RBFOX1: variants seen among roughly 807,000 people sequenced by gnomAD.
RBFOX1 encodes the protein RNA binding fox-1 homolog 1, also known as RNA binding protein fox-1 homolog 1.
Under a neutral mutation model 57.7 loss-of-function variants are expected in RBFOX1, and 8 were observed. The ratio of observed to expected loss-of-function variants is 0.14; its 90% confidence interval spans 0.08 to 0.25. RBFOX1 has a LOEUF of 0.25. Among genes scored for constraint, RBFOX1 ranks in the 10% least tolerant of loss-of-function variants. The pLI is 1.00. For missense variants in RBFOX1, 611 were observed against 548.5 expected (o/e 1.11, Z -1.14); for synonymous variants, 326 against 222.4 (o/e 1.47, Z -4.15).
chr16:6,931,768 C>T (rs1000824341), intron 3 of RBFOX1, among the ~76,000 whole-genome samples: 1 of 152,162 alleles, frequency 6.6e-6, no homozygotes, highest in African/African-American at 2.4e-5. Flanking sequence ...TTCCTGTGGT[C>T]TGCCACAAAC....
intron 3 of RBFOX1, among the ~76,000 whole-genome samples, chr16:6,844,535 A>G (rs537795427): frequency 1.3e-5 from 2 of 152,158 alleles, no homozygotes; most frequent in African/African-American, 4.8e-5. Flanking sequence ...ATGGCTGCAT[A>G]GTATTCCATG....
chr16:5,939,131 T>A (rs1453928216), intron 4 of RBFOX1, among the ~76,000 whole-genome samples: 1 of 152,168 alleles, frequency 6.6e-6, no homozygotes, highest in African/African-American at 2.4e-5. Flanking sequence ...TTAGGAGATA[T>A]ACCTCATGTA....
intron 2 of RBFOX1, among the ~76,000 whole-genome samples, chr16:5,529,367 C>A (rs1359495327): frequency 6.6e-6 from 1 of 150,436 alleles, no homozygotes; most frequent in African/African-American, 2.5e-5. Flanking sequence ...GGAGGTGGAC[C>A]CCAATCCAGT....
At chr16:5,483,635 A>T (rs974910471) in intron 2 of RBFOX1, among the ~76,000 whole-genome samples, 1 of 152,202 alleles carries the variant, frequency 6.6e-6, no homozygotes, top group Non-Finnish European at 1.5e-5. Flanking sequence ...GTCTTTTCTA[A>T]TGCTGTAGAC....
intron 1 of RBFOX1, among the ~76,000 whole-genome samples, chr16:5,427,924 T>A (rs1029099913): frequency 2.0e-5 from 3 of 152,212 alleles, no homozygotes; most frequent in Non-Finnish European, 4.4e-5. Flanking sequence ...ATGTACACAA[T>A]TAACCATCAC....
chr16:6,706,711 CTTT>C (rs33986994), intron 3 of RBFOX1, among the ~76,000 whole-genome samples: 55 of 142,230 alleles, frequency 3.9e-4, no homozygotes, highest in African/African-American at 8.8e-4. Context: ...CAGCTGCAGT[CTTT>C]TTTTTTTTTT....
chr16:7,418,680 T>C (rs949699661), intron 4 of RBFOX1, among the ~76,000 whole-genome samples: 1 of 152,168 alleles, frequency 6.6e-6, no homozygotes, highest in Non-Finnish European at 1.5e-5. Context: ...TCCCTTACTT[T>C]TGCAAACCTG....
At chr16:5,977,366 C>A (rs1279336086) in intron 4 of RBFOX1, among the ~76,000 whole-genome samples, 1 of 152,174 alleles carries the variant, frequency 6.6e-6, no homozygotes, top group African/African-American at 2.4e-5. Flanking sequence ...AGAGACCGCT[C>A]CCTGCCCTCC....
At chr16:7,371,903 C>G (rs1308007543) in intron 4 of RBFOX1, among the ~76,000 whole-genome samples, 1 of 152,070 alleles carries the variant, frequency 6.6e-6, no homozygotes, top group East Asian at 1.9e-4. Context: ...GCCATGGAGC[C>G]TCCTTCAGTT....
rs967256186 is a variant in RBFOX1 at position 6,908,285 on chromosome 16, C to T, written c.-15-143772C>T. ...GGGTGTCCTCTCCTGCGGCTCTGGG[C>T]AGGCCTGCACCCCCAGCCTCTGACC... On this transcript the variant is annotated intron_variant, in intron 3 of 15. Coordinates refer to ENST00000550418, the MANE Select transcript of RBFOX1 (RefSeq NM_018723.4). Among the ~76,000 whole-genome samples the T allele has an allele frequency of 5.3e-5, 8 of 151,732 alleles. 1 individual carries two copies. The highest frequency in any genetic ancestry group is 1.4e-4 in the African/African-American group (6 of 41,390).
At chr16:7,349,940 A>G (rs914614754) in intron 4 of RBFOX1, among the ~76,000 whole-genome samples, 1 of 152,194 alleles carries the variant, frequency 6.6e-6, no homozygotes. Flanking sequence ...TGAGGTCAGG[A>G]GTTCGAGACC....
At chr16:7,424,147 G>A (rs2098580473) in intron 4 of RBFOX1, among the ~76,000 whole-genome samples, 1 of 152,064 alleles carries the variant, frequency 6.6e-6, no homozygotes, top group South Asian at 2.1e-4. Context: ...AAAGAGCCAT[G>A]CAATGATAAA....
At chr16:6,184,654 G>A (rs2097093352) in intron 1 of RBFOX1, among the ~76,000 whole-genome samples, 1 of 152,118 alleles carries the variant, frequency 6.6e-6, no homozygotes, top group Non-Finnish European at 1.5e-5. Context: ...CCGCCTCCCG[G>A]GTTCAAGCAA....
chr16:5,261,716 A>T (rs2062738246), intron 1 of RBFOX1, among the ~76,000 whole-genome samples: 1 of 151,830 alleles, frequency 6.6e-6, no homozygotes, highest in Non-Finnish European at 1.5e-5. Flanking sequence ...TGCCTGGCTA[A>T]TTTTTTTGTA....
intron 4 of RBFOX1, among the ~76,000 whole-genome samples, chr16:7,341,779 CTT>C (rs1568306652): frequency 2.9e-4 from 16 of 55,356 alleles, no homozygotes; most frequent in African/African-American, 1.2e-3. Context: ...TCCCTCCCTC[CTT>C]CCTTCCTTCC....
rs139070982 is a variant in RBFOX1 at position 5,506,707 on chromosome 16, C to T, written c.258+39453C>T. 1.4e-3 allele frequency among the ~76,000 whole-genome samples: 213 copies of T among 152,128 alleles called. 1 individual carries two copies. Among genetic ancestry groups the T allele is most frequent in the East Asian group, 5.0e-3 (26 of 5,170 alleles). On this transcript the variant is annotated intron_variant, in intron 2 of 2. Transcript: ENST00000585867. The stretch of plus-strand genomic sequence containing the variant: ...AGAGAAGGGAGTGAGGTGTGGGTTA[C>T]GGCTTCCCCAGGGACATCTTGATCT...
At chr16:7,365,030 G>T (rs566220791) in intron 4 of RBFOX1, among the ~76,000 whole-genome samples, 4 of 152,082 alleles carry the variant, frequency 2.6e-5, no homozygotes, top group African/African-American at 9.7e-5. Flanking sequence ...CCATCCGTCC[G>T]TCCGTCTGTC....
intron 3 of RBFOX1, among the ~76,000 whole-genome samples, chr16:5,709,839 ATATATTTTTTTTTTTTTTTTTT>A (rs1259769269): frequency 9.2e-4 from 6 of 6,534 alleles, no homozygotes; most frequent in East Asian, 0.015. Flanking sequence ...ATATATATAT[ATATATTTTTTTTTTTTTTTTTT>A]TTTTTTTTTT....
At chr16:6,407,542 T>TGC (rs2093326088) in intron 2 of RBFOX1, among the ~76,000 whole-genome samples, 1 of 74,112 alleles carries the variant, frequency 1.3e-5, no homozygotes, top group African/African-American at 8.0e-5. Flanking sequence ...AGGAGAGGGG[T>TGC]GTGTGTGTGT....
Sources: allele counts gnomAD v4.1 joint callset (sites outside exome capture counted in the v4.1 genomes callset), GRCh38; gene constraint gnomAD v4.1.1; transcripts MANE v1.5; gene names NCBI Gene and HGNC (gene_info 2026-07-23, HGNC 2026-07-21).